Variants in MBD2 observed in about 807,000 individuals in gnomAD.
MBD2 encodes the protein methyl-CpG binding domain protein 2.
Under a neutral mutation model 39.3 loss-of-function variants are expected in MBD2, and 9 were observed. The ratio of observed to expected loss-of-function variants is 0.23; its 90% CI spans 0.14 to 0.40. MBD2 has a LOEUF of 0.40. MBD2 is among the 10% of genes least tolerant of loss of function. MBD2 has a pLI of 1.00. For synonymous variants in MBD2, 233 were observed against 211.1 expected, an observed-to-expected ratio of 1.10 and a Z score of -0.90; for missense variants, 458 against 532.6, an observed-to-expected ratio of 0.86 and a Z score of 1.38.
intron 2 of MBD2, among the ~76,000 whole-genome samples, chr18:54,195,711 TA>T (rs893691096): frequency 2.0e-5 from 3 of 150,616 alleles, no homozygotes; most frequent in South Asian, 2.1e-4. Flanking sequence ...TATATAGTCA[TA>T]AAAAAAAAGA....
In MBD2 at chr18:54,224,241, CGCCGCCAAG is replaced by C; in HGVS notation, c.310_318del (p.Leu104_Gly106del). The C allele has an allele frequency of 2.0e-6, 2 of 997,124 alleles. No individual in the cohort carries two copies. Among genetic ancestry groups the C allele is most frequent in the South Asian group, 9.0e-5 (2 of 22,186 alleles). The allele number at this position is 997,124 out of a possible 1,614,324, so 61.8% of individuals were successfully genotyped here. ...CCGCCGCCGCCGCAGCCGCCGCCGTCGCCGCCAAGGCCGCTGCCGCCACTCGGGGGACGG... is the reference window on the plus strand; with the variant it reads ...CCGCCGCCGCCGCAGCCGCCGCCGTCGCCGCTGCCGCCACTCGGGGGACGG... On this transcript the variant is annotated inframe_deletion, in exon 1 of 7. Coordinates refer to ENST00000256429, the MANE Select transcript of MBD2 (RefSeq NM_003927.5).
At chr18:54,203,049 G>C in intron 2 of MBD2, 1 of 1,387,466 alleles carries the variant, frequency 7.2e-7, no homozygotes, top group Non-Finnish European at 1.0e-6. Context: ...GTATGAGCAA[G>C]CAGAGTCTTG....
Position 54,224,159 on chromosome 18 carries a change from G to C in MBD2, c.401C>G (p.Ala134Gly). The C allele has an allele frequency of 6.9e-7, 1 of 1,444,190 alleles. No homozygotes were observed. Among genetic ancestry groups the C allele is most frequent in the Non-Finnish European group, 9.1e-7 (1 of 1,097,000 alleles). The allele number at this position is 1,444,190 out of a possible 1,614,324, so 89.5% of individuals were successfully genotyped here. Residue 134 changes from alanine (A) to glycine (G), a missense_variant, in exon 1 of 7, where the codon GCG becomes GGG. Ala to Gly is a moderately conservative substitution (Grantham distance 60, BLOSUM62 0). Transcript: ENST00000256429. ...REPVPFPSGS[A>G]GPGPRGPRAT... ...CCGGGGTCCCCTGGGCCCCGGCCCC[G>C]CGCTCCCCGACGGGAAAGGGACCGG...
Position 54,214,965 on chromosome 18 carries a change from C to T in MBD2, c.542+9053G>A, listed in dbSNP as rs557583491. 4.4e-3 allele frequency among the ~76,000 whole-genome samples: 673 copies of T among 152,190 alleles called. 4 individuals are homozygous for T. Among genetic ancestry groups the T allele is most frequent in the African/African-American group, 0.015 (638 of 41,492 alleles). ...CAGCATTAGCCAGGATGGTCTCGAT[C>T]TCCTGACCTCGTGATCCACCCGCCT... On this transcript the variant is annotated intron_variant, in intron 1 of 6. Transcript: ENST00000256429.
intron 2 of MBD2, among the ~76,000 whole-genome samples, chr18:54,199,224 A>C (rs1229222474): frequency 6.6e-6 from 1 of 152,216 alleles, no homozygotes; most frequent in African/African-American, 2.4e-5. Context: ...AATAGGACTT[A>C]TCCTTTCTAT....
At chr18:54,219,530 T>C (rs2086591883) in intron 1 of MBD2, among the ~76,000 whole-genome samples, 1 of 152,184 alleles carries the variant, frequency 6.6e-6, no homozygotes, top group Admixed American at 6.5e-5. Flanking sequence ...ATAGGAATTA[T>C]GAGAAAGAAG....
intron 6 of MBD2, among the ~76,000 whole-genome samples, chr18:54,157,313 T>A (rs1041356364): frequency 6.6e-6 from 1 of 151,958 alleles, no homozygotes; most frequent in Non-Finnish European, 1.5e-5. Context: ...CAGGCTGTAG[T>A]GCAGTGGCGC....
At chr18:54,209,418 A>T (rs1223265043) in intron 1 of MBD2, among the ~76,000 whole-genome samples, 1 of 152,192 alleles carries the variant, frequency 6.6e-6, no homozygotes, top group Non-Finnish European at 1.5e-5. Flanking sequence ...CTATTAGCAT[A>T]TCCAAAAGAA....
chr18:54,182,319 G>T (rs956160197), intron 3 of MBD2, among the ~76,000 whole-genome samples: 1 of 152,090 alleles, frequency 6.6e-6, no homozygotes, highest in African/African-American at 2.4e-5. Flanking sequence ...ATCCAAACTT[G>T]GTAAATCAGG....
In MBD2 at chr18:54,205,462, G is replaced by T. The variant is rs187927976; in HGVS notation, c.543-305C>A. 2.8e-3 allele frequency among the ~76,000 whole-genome samples: 427 copies of T among 151,810 alleles called. 13 individuals carry two copies. The highest frequency in any genetic ancestry group is 0.027 in the Admixed American group (406 of 15,242). On this transcript the variant is annotated intron_variant, in intron 1 of 6. Coordinates refer to ENST00000256429, the MANE Select transcript of MBD2 (RefSeq NM_003927.5). Reference sequence around the variant, plus strand: ...AAAAATTAGCCGGGCATGGTGGTGGGCGCCTGTAATCCCAGCTATTCAGGA... The same window carrying T: ...AAAAATTAGCCGGGCATGGTGGTGGTCGCCTGTAATCCCAGCTATTCAGGA...
chr18:54,221,065 A>G (rs2086607387), intron 1 of MBD2, among the ~76,000 whole-genome samples: 1 of 152,212 alleles, frequency 6.6e-6, no homozygotes, highest in African/African-American at 2.4e-5. Flanking sequence ...ATCATGCTGC[A>G]ATGTCCCAGA....
intron 1 of MBD2, among the ~76,000 whole-genome samples, chr18:54,216,229 C>A (rs999000870): frequency 3.3e-5 from 5 of 152,168 alleles, no homozygotes. Context: ...CAACACTACA[C>A]ACACACAAGT....
At chr18:54,170,041 A>G (rs2086168970) in intron 3 of MBD2, among the ~76,000 whole-genome samples, 1 of 152,240 alleles carries the variant, frequency 6.6e-6, no homozygotes, top group Non-Finnish European at 1.5e-5. Context: ...GATGGAATTA[A>G]AAGTCACTTA....
intron 1 of MBD2, among the ~76,000 whole-genome samples, chr18:54,218,097 T>C (rs2086576826): frequency 6.6e-6 from 1 of 152,222 alleles, no homozygotes; most frequent in South Asian, 2.1e-4. Context: ...TGGATTTCTT[T>C]CCTTTCTCTA....
chr18:54,208,795 T>TA (rs1330832792), intron 1 of MBD2, among the ~76,000 whole-genome samples: 1 of 152,166 alleles, frequency 6.6e-6, no homozygotes, highest in Non-Finnish European at 1.5e-5. Context: ...GAAAACATAA[T>TA]AGAGCCTCAC....
intron 2 of MBD2, among the ~76,000 whole-genome samples, chr18:54,199,195 G>C (rs897610297): frequency 7.9e-5 from 12 of 152,136 alleles, no homozygotes; most frequent in Non-Finnish European, 1.6e-4. Flanking sequence ...TCATTTCCCA[G>C]AAACTTTCTG....
At chr18:54,155,784 T>C (rs1490673874) in intron 6 of MBD2, among the ~76,000 whole-genome samples, 2 of 152,208 alleles carry the variant, frequency 1.3e-5, no homozygotes, top group South Asian at 2.1e-4. Context: ...CTTCCTATTG[T>C]TTAACCTGGG....
chr18:54,202,732 T>C, intron 2 of MBD2: 1 of 1,398,346 alleles, frequency 7.2e-7, no homozygotes, highest in Non-Finnish European at 9.4e-7. Flanking sequence ...CACTATACAC[T>C]TCTAGAATGA....
At chr18:54,168,348 A>G (rs1252303454) in intron 3 of MBD2, among the ~76,000 whole-genome samples, 1 of 151,720 alleles carries the variant, frequency 6.6e-6, no homozygotes, top group African/African-American at 2.4e-5. Flanking sequence ...GGACTGAAAT[A>G]CAAGTATATG....
Sources: gnomAD v4.1 joint callset for allele counts (sites outside exome capture counted in the v4.1 genomes callset) on GRCh38, gnomAD v4.1.1 for gene constraint, MANE v1.5 for transcripts, NCBI Gene and HGNC (gene_info 2026-07-23, HGNC 2026-07-21) for gene names.